WDR27: variants seen among roughly 807,000 people sequenced by gnomAD.
The protein encoded by WDR27 is WD repeat-containing protein 27.
WDR27 carries 100 observed loss-of-function variants against 114.4 expected under a neutral mutation model. That is an observed-to-expected ratio of 0.87 (90% CI 0.74 to 1.03). WDR27 has a LOEUF of 1.03. WDR27 is among the 50% of genes least tolerant of loss of function. The probability of loss-of-function intolerance (pLI) is 0.00; values close to 1 mark genes in which losing one functional copy is unlikely to be tolerated. For synonymous variants in WDR27, 449 were observed against 423.1 expected (o/e 1.06, Z -0.75); for missense variants, 1,129 against 1,092.9 (o/e 1.03, Z -0.47).
At chr6:169,672,619 A>G (rs1412907767) in intron 2 of WDR27, among the ~76,000 whole-genome samples, 1 of 151,756 alleles carries the variant, frequency 6.6e-6, no homozygotes, top group Non-Finnish European at 1.5e-5. Flanking sequence ...CACTAATAAA[A>G]AGATACAGGC....
chr6:169,514,757 A>AATATATATATAT lies in WDR27; in HGVS notation c.2646-57135_2646-57124dup, dbSNP rs112203960. Among the ~76,000 whole-genome samples, 724 of 143,520 alleles carry AATATATATATAT rather than the reference A, an allele frequency of 5.0e-3. 8 individuals carry two copies. Among genetic ancestry groups the AATATATATATAT allele is most frequent in the African/African-American group, 0.017 (672 of 38,966 alleles). The allele number at this position is 143,520 out of a possible 152,430, so 94.2% of individuals were successfully genotyped here. On this transcript the variant is annotated intron_variant, in intron 25 of 25. Transcript: ENST00000448612. ...TTCTTACTATAACAGAAAAAAAGAG[A>AATATATATATAT]ATATATATATATATATATATGATCA... is the stretch of plus-strand genomic sequence containing the variant.
chr6:169,649,312 T>G, intron 14 of WDR27, 37 bp from the exon 15 acceptor site: 2 of 1,485,092 alleles, frequency 1.3e-6, no homozygotes, highest in Non-Finnish European at 1.8e-6. Context: ...TCTCAAATAT[T>G]AAGAGGTCTA....
Position 169,684,635 on chromosome 6 carries a change from T to C in WDR27, c.189+4182A>G, listed in dbSNP as rs993054578. ...CAAGCAGCCATAAGCTGTGTGACTA[T>C]GTCCTGGGACTGAGAAGCAGTCCTG... On this transcript the variant is annotated intron_variant, in intron 2 of 25. Transcript: ENST00000448612. The surrounding 1 kb of genome is among the most constrained non-coding windows in gnomAD (Gnocchi z 4.3). Among the ~76,000 whole-genome samples the C allele has an allele frequency of 3.9e-5, 6 of 152,198 alleles. No homozygotes were observed. Among genetic ancestry groups the C allele is most frequent in the South Asian group, 2.1e-4 (1 of 4,838 alleles).
chr6:169,445,116 C>A, the WDR27 span, among the ~76,000 whole-genome samples: 1 of 152,180 alleles, frequency 6.6e-6, no homozygotes, highest in Non-Finnish European at 1.5e-5. Context: ...GCCCACTGAG[C>A]TAAGTAAAAA....
chr6:169,582,963 T>G (rs1364521629), intron 23 of WDR27, 29 bp from the exon 24 acceptor site: 13 of 1,604,910 alleles, frequency 8.1e-6, no homozygotes, highest in Non-Finnish European at 1.1e-5. Flanking sequence ...AGGTGTGCCA[T>G]GTTAACTCAG....
rs1233446024 is a variant in WDR27 at position 169,643,782 on chromosome 6, ATC to A, written c.1660_1661del (p.Asp554TrpfsTer17). On this transcript the variant is annotated frameshift_variant and splice_region_variant, in exon 17 of 26. Coordinates refer to ENST00000448612, the MANE Select transcript of WDR27 (RefSeq NM_182552.5). LOFTEE classifies it high-confidence loss of function. ...TRVCCIQYSG[D>X]GQWLACGLAN... ...CCAACCCACAGGCCAGCCACTGCCC[ATC>A]TCCTGTTAAAAGAATTTTAAAAAAA... 8.7e-6 allele frequency: 14 copies of A among 1,611,840 alleles called. No homozygotes were observed. The highest frequency in any genetic ancestry group is 2.5e-6 in the Non-Finnish European group (3 of 1,178,874).
chr6:169,477,779 C>A (rs1787389652), intron 25 of WDR27, among the ~76,000 whole-genome samples: 3 of 152,070 alleles, frequency 2.0e-5, no homozygotes, highest in Non-Finnish European at 2.9e-5. Context: ...TAATACATGA[C>A]CTAGAAATCC....
chr6:169,553,870 A>G (rs1798524661), intron 25 of WDR27, among the ~76,000 whole-genome samples: 1 of 152,224 alleles, frequency 6.6e-6, no homozygotes, highest in Admixed American at 6.5e-5. Context: ...ATGGAGTGAG[A>G]GAAAGAATGC....
intron 7 of WDR27, 48 bp from the exon 8 acceptor site, chr6:169,664,334 G>C: frequency 6.2e-7 from 1 of 1,611,568 alleles, no homozygotes; most frequent in Non-Finnish European, 8.5e-7. Flanking sequence ...CAAGGGTCCT[G>C]ACGCAGAAGC....
At chr6:169,473,832 A>G (rs1786767033) in intron 25 of WDR27, among the ~76,000 whole-genome samples, 2 of 152,214 alleles carry the variant, frequency 1.3e-5, no homozygotes, top group South Asian at 4.1e-4. Flanking sequence ...CCACATGGGC[A>G]GAGAAAACAA....
rs556807278 is a variant in WDR27, at chr6:169,590,027, G to A, written c.2425-7093C>T. Among the ~76,000 whole-genome samples, 21 of 152,304 alleles carry A rather than the reference G, an allele frequency of 1.4e-4. No homozygotes were observed. The South Asian group carries it at 3.1e-3, about 23-fold the overall frequency. ...ATAAATCTGTGGGTGCTGGAATAACGCTTGACTGCTCAAAAATGTTTTTAC... is the reference window on the plus strand; with the variant it reads ...ATAAATCTGTGGGTGCTGGAATAACACTTGACTGCTCAAAAATGTTTTTAC... On this transcript the variant is annotated intron_variant, in intron 23 of 25. Transcript: ENST00000448612.
intron 25 of WDR27, among the ~76,000 whole-genome samples, chr6:169,553,058 C>CTGTGTGTGTGTGTGTG (rs3033612): frequency 6.6e-5 from 2 of 30,136 alleles, no homozygotes. Context: ...CCTGGAGGGC[C>CTGTGTGTGTGTGTGTG]TGTGTGTGTG....
rs117994828 is a variant in WDR27 at position 169,480,595 on chromosome 6, G to C, written c.2646-22961C>G. ...ACTCTGTGTCTAGCTTGGGTTTGTG[G>C]ATGCACCAATCAGCACTCTGTGTCT... is the stretch of plus-strand genomic sequence containing the variant. On this transcript the variant is annotated intron_variant, in intron 25 of 25. Transcript: ENST00000448612. Among the ~76,000 whole-genome samples the C allele has an allele frequency of 7.5e-3, 1,131 of 151,584 alleles. 5 individuals are homozygous for C. The highest frequency in any genetic ancestry group is 0.025 in the South Asian group (118 of 4,794).
At chr6:169,692,471 G>T (rs1046331169) in intron 1 of WDR27, among the ~76,000 whole-genome samples, 1 of 150,252 alleles carries the variant, frequency 6.7e-6, no homozygotes, top group Non-Finnish European at 1.5e-5. Flanking sequence ...AGCCAGCCAT[G>T]CTCGTTTTCT....
rs1778449256 is a variant in WDR27, at chr6:169,670,576, T to C, written c.449A>G (p.Asp150Gly). Reference protein sequence around the residue: ...VCAGNKIFMLDIEQRFSVTYI... With the variant: ...VCAGNKIFMLGIEQRFSVTYI... ...CGTGAATTTCAATCTTACCTCAATATCCAGCATGAATATTTTGTTTCCAGC... is the reference window on the plus strand; with the variant it reads ...CGTGAATTTCAATCTTACCTCAATACCCAGCATGAATATTTTGTTTCCAGC... The change falls in exon 4 of 26, where the codon GAT (aspartate) becomes GGT (glycine). Residue 150 changes from aspartate to glycine, a missense_variant. Asp to Gly is a moderately conservative substitution (Grantham distance 94). Transcript: ENST00000448612. 3 of 1,613,928 alleles carry C rather than the reference T, an allele frequency of 1.9e-6. No homozygotes were observed. Among genetic ancestry groups the C allele is most frequent in the Non-Finnish European group, 1.7e-6 (2 of 1,179,884 alleles).
chr6:169,508,471 C>CT (rs138233585), intron 25 of WDR27, among the ~76,000 whole-genome samples: 1,564 of 151,258 alleles, frequency 0.01, 23 homozygotes, highest in African/African-American at 0.035. Flanking sequence ...TTTTTAATTT[C>CT]TTTTTTTTTC....
At chr6:169,649,089 C>T in intron 15 of WDR27, 109 bp downstream of exon 15, 1 of 853,696 alleles carries the variant, frequency 1.2e-6, no homozygotes, top group South Asian at 1.5e-5. Context: ...TGTGTGTAAA[C>T]ACATGTACAC....
chr6:169,478,175 A>T (rs908527790), intron 25 of WDR27, among the ~76,000 whole-genome samples: 2 of 152,162 alleles, frequency 1.3e-5, no homozygotes, highest in South Asian at 2.1e-4. Context: ...GGCGTTCTTC[A>T]TCCTGACTGT....
intron 1 of WDR27, among the ~76,000 whole-genome samples, chr6:169,692,339 A>G (rs1192724763): frequency 6.6e-6 from 1 of 152,182 alleles, no homozygotes; most frequent in Non-Finnish European, 1.5e-5. Flanking sequence ...GAATTATGTG[A>G]TAATTTAGAC....
Sources: allele counts gnomAD v4.1 joint callset (sites outside exome capture counted in the v4.1 genomes callset), GRCh38; gene constraint gnomAD v4.1.1; non-coding constraint Gnocchi (gnomAD v3.1); transcripts MANE v1.5; gene names NCBI Gene and HGNC (gene_info 2026-07-23, HGNC 2026-07-21).